C4BPA: variants seen among roughly 807,000 people sequenced by gnomAD.
C4BPA encodes complement component 4 binding protein alpha.
A neutral mutation model predicts 63.7 loss-of-function variants in C4BPA; 31 were observed. That is an observed-to-expected ratio of 0.49 (90% CI 0.37 to 0.66). C4BPA has a LOEUF of 0.66. Among genes scored for constraint, C4BPA ranks in the 30% least tolerant of loss-of-function variants. The probability of loss-of-function intolerance (pLI) is 0.00; values close to 1 mark genes in which losing one functional copy is unlikely to be tolerated. For synonymous variants in C4BPA, 259 were observed against 254.7 expected (o/e 1.02, Z -0.16); for missense variants, 572 against 723.3 (o/e 0.79, Z 2.40).
chr1:207,144,079 G>C lies in C4BPA; in HGVS notation c.1620+86G>C, dbSNP rs1014469281. 5.3e-6 allele frequency: 5 copies of C among 939,732 alleles called. No homozygotes were observed. The African/African-American group carries it at 6.9e-5, about 13-fold the overall frequency. 58.2% of individuals were successfully genotyped at this position (939,732 alleles called of 1,614,324 possible). On this transcript the variant is annotated intron_variant, in intron 11 of 11. Transcript: ENST00000367070. ...CAGAGCTCTGTACCACTCAACAATGGTGAAATCTGACTTGTCAGGATTCAT... is the reference window on the plus strand; with the variant it reads ...CAGAGCTCTGTACCACTCAACAATGCTGAAATCTGACTTGTCAGGATTCAT...
chr1:207,124,101 A>T (rs1468593280), intron 5 of C4BPA, 74 bp from the exon 6 acceptor site: 3 of 1,516,980 alleles, frequency 2.0e-6, no homozygotes, highest in East Asian at 4.5e-5. Flanking sequence ...ACCTTCCATT[A>T]GAATTTGCAT....
intron 1 of C4BPA, among the ~76,000 whole-genome samples, chr1:207,106,117 A>G (rs1247714274): frequency 1.3e-5 from 2 of 152,158 alleles, no homozygotes; most frequent in Non-Finnish European, 2.9e-5. Flanking sequence ...TGGAACTCCA[A>G]CTTGTGTCTT....
chr1:207,114,263 G>A lies in C4BPA; in HGVS notation c.306G>A (p.Trp102Ter). 1 of 1,612,138 alleles carries A rather than the reference G, an allele frequency of 6.2e-7. No individual in the cohort carries two copies. The highest frequency in any genetic ancestry group is 8.5e-7 in the Non-Finnish European group (1 of 1,178,846). Residue 102 changes from tryptophan (W) to a stop codon, truncating the protein, a stop_gained, in exon 3 of 12, where the codon TGG (tryptophan) becomes TGA (stop). Transcript: ENST00000367070. LOFTEE classifies it high-confidence loss of function. ...TTACCTGTAATTCTGATGGCGAATG[G>A]GTGTATAACACCTTCTGTATCTGTA... ...QTLTCNSDGE[W>*]VYNTFCIYKR...
chr1:207,113,279 C>T (rs1344056986), intron 2 of C4BPA, 112 bp downstream of exon 2: 1 of 1,178,322 alleles, frequency 8.5e-7, no homozygotes, highest in Non-Finnish European at 1.2e-6. Context: ...GACCCAGCTT[C>T]ATCAACAAGT....
intron 1 of C4BPA, among the ~76,000 whole-genome samples, chr1:207,110,477 T>C (rs1204605842): frequency 1.3e-5 from 2 of 152,212 alleles, no homozygotes; most frequent in African/African-American, 4.8e-5. Flanking sequence ...TCAATTTATC[T>C]AACATTGTTT....
Position 207,126,896 on chromosome 1 carries a change from G to A in C4BPA, c.889+1G>A, listed in dbSNP as rs1297154317. The A allele has an allele frequency of 2.5e-6, 4 of 1,610,892 alleles. No individual in the cohort carries two copies. The highest frequency in any genetic ancestry group is 2.5e-6 in the Non-Finnish European group (3 of 1,177,992). On this transcript the variant is annotated splice_donor_variant, in intron 7 of 11. Transcript: ENST00000367070. LOFTEE classifies it high-confidence loss of function. ...CCTTCTCCTCCTGCTTGTGAGCCCA[G>A]TAAGTATGGACTGTGACAGAATTTC... is the stretch of plus-strand genomic sequence containing the variant.
intron 9 of C4BPA, among the ~76,000 whole-genome samples, chr1:207,136,841 C>T (rs982437779): frequency 2.0e-5 from 3 of 152,180 alleles, no homozygotes; most frequent in African/African-American, 7.2e-5. Flanking sequence ...TACCCTCCCC[C>T]TACTAGAGCA....
At chr1:207,143,737 G>A in intron 10 of C4BPA, 81 bp from the exon 11 acceptor site, 1 of 962,466 alleles carries the variant, frequency 1.0e-6, no homozygotes, top group Non-Finnish European at 1.6e-6. Flanking sequence ...ACTAAATACA[G>A]TTCATTCTTA....
intron 4 of C4BPA, among the ~76,000 whole-genome samples, chr1:207,118,128 CATCT>C (rs372022307): frequency 8.0e-5 from 7 of 87,010 alleles, no homozygotes; most frequent in Non-Finnish European, 1.0e-4. Flanking sequence ...ATCTATCTAT[CATCT>C]ATCTGTCTGT....
At chr1:207,137,543 A>G (rs1315275072) in intron 9 of C4BPA, among the ~76,000 whole-genome samples, 3 of 152,216 alleles carry the variant, frequency 2.0e-5, no homozygotes, top group African/African-American at 7.2e-5. Context: ...TTGAATTATT[A>G]TCAGAAGAAA....
chr1:207,112,368 T>TA (rs1491109177), intron 1 of C4BPA, among the ~76,000 whole-genome samples: 48 of 145,234 alleles, frequency 3.3e-4, no homozygotes, highest in African/African-American at 1.1e-3. Flanking sequence ...TTTTTTTTTT[T>TA]ATGTTTGTAC....
At chr1:207,118,787 C>A (rs1025783670) in intron 4 of C4BPA, among the ~76,000 whole-genome samples, 11 of 152,212 alleles carry the variant, frequency 7.2e-5, no homozygotes, top group Non-Finnish European at 1.5e-4. Context: ...TTACCTCCTA[C>A]TTCCCAATTT....
rs748392732 is a variant in C4BPA at position 207,114,172 on chromosome 1, A to G, written c.215A>G (p.Lys72Arg). 1.9e-6 allele frequency: 3 copies of G among 1,613,682 alleles called. No homozygotes were observed. Among genetic ancestry groups the G allele is most frequent in the African/African-American group, 2.7e-5 (2 of 74,868 alleles). ...ATTACGTTGACTGAGACACGCTTCA[A>G]AACTGGAACTACTCTGAAATACACC... ...MDITLTETRF[K>R]TGTTLKYTCL... Residue 72 changes from lysine to arginine, a missense_variant, in exon 3 of 12, where the codon AAA becomes AGA. Lys to Arg is a conservative substitution (Grantham distance 26, BLOSUM62 2). Transcript: ENST00000367070.
intron 5 of C4BPA, 24 bp downstream of exon 5, chr1:207,124,031 G>A: frequency 6.4e-7 from 1 of 1,558,352 alleles, no homozygotes; most frequent in South Asian, 1.1e-5. Context: ...CTTCTGACTT[G>A]ACTATCAATT....
intron 4 of C4BPA, among the ~76,000 whole-genome samples, chr1:207,122,880 A>T (rs1157109604): frequency 6.6e-6 from 1 of 152,206 alleles, no homozygotes; most frequent in Non-Finnish European, 1.5e-5. Context: ...GGCCTGAAAC[A>T]AATTTTTAAA....
chr1:207,104,533 G>A (rs1684522076), intron 1 of C4BPA, 103 bp downstream of exon 1: 1 of 152,200 alleles, frequency 6.6e-6, no homozygotes, highest in South Asian at 2.1e-4. Flanking sequence ...ACAAAAGCTT[G>A]GAGGTGTTTT....
rs536206972 is a variant in C4BPA at position 207,115,578 on chromosome 1, C to T, written c.428+63C>T. The T allele has an allele frequency of 8.5e-4, 755 of 890,916 alleles. 1 individual carries two copies. The highest frequency in any genetic ancestry group is 1.1e-3 in the Non-Finnish European group (654 of 592,450). 55.2% of individuals were successfully genotyped at this position (890,916 alleles called of 1,614,324 possible). On this transcript the variant is annotated intron_variant, in intron 4 of 11. Coordinates refer to ENST00000367070, the MANE Select transcript of C4BPA (RefSeq NM_000715.4). ...TTATTTAAAAAATAGCTGAAGTGTT[C>T]GTATATTTCAAAATTTAAAATGATG...
At position 207,114,248 on chromosome 1, in the gene C4BPA, T is replaced by C. The variant is rs1467400860; in HGVS notation, c.291T>C (p.Asn97=). 1 of 1,613,620 alleles carries C rather than the reference T, an allele frequency of 6.2e-7. No individual in the cohort carries two copies. The change falls in exon 3 of 12, where the codon AAT becomes AAC. Residue 97 remains asparagine (N), a synonymous_variant. Transcript: ENST00000367070. ...RSHSTQTLTC[N]SDGEWVYNTF... is the part of the protein sequence containing the mutation. ...ATTCAACTCAGACGCTTACCTGTAATTCTGATGGCGAATGGGTGTATAACA... is the reference window on the plus strand; with the variant it reads ...ATTCAACTCAGACGCTTACCTGTAACTCTGATGGCGAATGGGTGTATAACA...
At chr1:207,119,462 GCTCA>G (rs1684880358) in intron 4 of C4BPA, among the ~76,000 whole-genome samples, 1 of 93,166 alleles carries the variant, frequency 1.1e-5, no homozygotes, top group African/African-American at 3.0e-5. Flanking sequence ...ATCTACCACA[GCTCA>G]CTCCTTGTCA....
Sources: allele counts gnomAD v4.1 joint callset (sites outside exome capture counted in the v4.1 genomes callset), GRCh38; gene constraint gnomAD v4.1.1; transcripts MANE v1.5; gene names NCBI Gene and HGNC (gene_info 2026-07-23, HGNC 2026-07-21).